LRRC57: variants seen among roughly 807,000 people sequenced by gnomAD.
LRRC57 encodes the protein leucine rich repeat containing 57.
LRRC57 carries 14 observed loss-of-function variants against 23.1 expected under a neutral mutation model. The observed-to-expected ratio is 0.61, with a 90% CI of 0.40 to 0.95. The LOEUF is 0.95. Among genes scored for constraint, LRRC57 ranks in the 40% least tolerant of loss-of-function variants. The pLI is 0.00. For missense variants in LRRC57, 236 were observed against 284.4 expected, an observed-to-expected ratio of 0.83 and a Z score of 1.22; for synonymous variants, 106 against 115.2, an observed-to-expected ratio of 0.92 and a Z score of 0.51.
chr15:42,528,371 C>G, the LRRC57 span: 1 of 1,614,130 alleles, frequency 6.2e-7, no homozygotes, highest in African/African-American at 1.3e-5. Flanking sequence ...GACAAATGGT[C>G]AGCTTCAGCA....
the LRRC57 span, chr15:42,531,929 A>G: frequency 3.9e-5 from 6 of 153,144 alleles, no homozygotes; most frequent in Admixed American, 6.5e-5. Flanking sequence ...AAAAAGTTGC[A>G]TAGCCACAAC....
chr15:42,529,315 G>C, the LRRC57 span, among the ~76,000 whole-genome samples: 1 of 152,170 alleles, frequency 6.6e-6, no homozygotes, highest in African/African-American at 2.4e-5. Context: ...CACTTGAGGG[G>C]CTTATTAAAC....
At chr15:42,545,367 T>A in intron 4 of LRRC57, 105 bp from the exon 5 acceptor site, 2 of 715,302 alleles carry the variant, frequency 2.8e-6, no homozygotes, top group Non-Finnish European at 4.0e-6. Context: ...CTATTTGTTC[T>A]AGTTTTCCCC....
At chr15:42,548,497 G>C in intron 1 of LRRC57, 41 bp from the exon 2 acceptor site, 2 of 1,549,602 alleles carry the variant, frequency 1.3e-6, no homozygotes, top group South Asian at 1.1e-5. Flanking sequence ...CAGTCCACCC[G>C]GTCGGCCTCC....
At chr15:42,537,304 A>G (rs1247651006), downstream of LRRC57, among the ~76,000 whole-genome samples, 2 of 148,022 alleles carry the variant, frequency 1.4e-5, no homozygotes, top group African/African-American at 5.3e-5. Flanking sequence ...AAAAAATCTC[A>G]ACACTGCTAA....
intron 4 of LRRC57, among the ~76,000 whole-genome samples, chr15:42,546,651 A>G (rs146728861): frequency 6.6e-6 from 1 of 152,350 alleles, no homozygotes; most frequent in East Asian, 1.9e-4. Context: ...CTTCATGCCT[A>G]GACAAGAATC....
chr15:42,548,190 T>C lies in LRRC57; in HGVS notation c.139A>G (p.Asn47Asp), dbSNP rs2057673215. ...GGCGGTAGGCTTTCGATCTTGTTGT[T>C]GGACAAGTCGATGGTCCTGAGATTG... ...TSNLRTIDLS[N>D]NKIESLPPLL... The change falls in exon 3 of 6, where the codon AAC (asparagine) becomes GAC (aspartate). Residue 47 changes from asparagine (N) to aspartate (D), a missense_variant. Asn to Asp is a conservative substitution (Grantham distance 23, BLOSUM62 1). Coordinates refer to ENST00000397130, the MANE Select transcript of LRRC57 (RefSeq NM_153260.3). The C allele has an allele frequency of 6.2e-7, 1 of 1,614,096 alleles. No homozygotes were observed. Among genetic ancestry groups the C allele is most frequent in the Non-Finnish European group, 8.5e-7 (1 of 1,180,038 alleles).
rs202009649 is a variant in LRRC57 at position 42,544,815 on chromosome 15, TCACA to T, written c.678+258_678+261del. Among the ~76,000 whole-genome samples, 223 of 131,414 alleles carry T rather than the reference TCACA, an allele frequency of 1.7e-3. 1 individual carries two copies. Among genetic ancestry groups the T allele is most frequent in the Middle Eastern group, 0.011 (3 of 268 alleles). 86.2% of individuals were successfully genotyped at this position (131,414 alleles called of 152,430 possible). On this transcript the variant is annotated intron_variant, in intron 5 of 5. Transcript: ENST00000397130. ...CTGGGCGACAGAGTGAGACCCTGTC[TCACA>T]CACACACACACACACACACACACTA...
the LRRC57 span, among the ~76,000 whole-genome samples, chr15:42,530,592 A>T: frequency 6.6e-6 from 1 of 152,080 alleles, no homozygotes; most frequent in East Asian, 1.9e-4. Flanking sequence ...TACTAAAAAA[A>T]TTTAAAAATT....
downstream of LRRC57, among the ~76,000 whole-genome samples, chr15:42,533,634 A>G (rs2057584855): frequency 6.6e-6 from 1 of 152,244 alleles, no homozygotes; most frequent in African/African-American, 2.4e-5. Flanking sequence ...CACTCACAGT[A>G]TGATTGGTTA....
downstream of LRRC57, among the ~76,000 whole-genome samples, chr15:42,536,468 C>G (rs762214866): frequency 2.0e-5 from 3 of 152,204 alleles, no homozygotes; most frequent in Non-Finnish European, 2.9e-5. Context: ...TCTGGTCAAG[C>G]ATCTCTGTGA....
At position 42,548,249 on chromosome 15, in the gene LRRC57, A is replaced by T. The variant is rs1422588933; in HGVS notation, c.85-5T>A. On this transcript the variant is annotated splice_region_variant and splice_polypyrimidine_tract_variant and intron_variant, in intron 2 of 5. Coordinates refer to ENST00000397130, the MANE Select transcript of LRRC57 (RefSeq NM_153260.3). ...CTTCTGCAAGTCTGCGGGGAACTGGAGAAAGGAGTTCACAGCGTGGGGAAT... is the reference window on the plus strand; with the variant it reads ...CTTCTGCAAGTCTGCGGGGAACTGGTGAAAGGAGTTCACAGCGTGGGGAAT... 2 of 1,614,182 alleles carry T rather than the reference A, an allele frequency of 1.2e-6. No homozygotes were observed.
chr15:42,535,413 G>A (rs982310507), downstream of LRRC57, among the ~76,000 whole-genome samples: 11 of 151,796 alleles, frequency 7.2e-5, no homozygotes, highest in Admixed American at 2.0e-4. Context: ...TTGGTTAACC[G>A]GCGTAAGAGG....
In LRRC57 at chr15:42,548,762, C is replaced by G. The variant is rs1035061633; in HGVS notation, c.-92G>C. 1 of 780,218 alleles carries G rather than the reference C, an allele frequency of 1.3e-6. No individual in the cohort carries two copies. The highest frequency in any genetic ancestry group is 1.7e-5 in the South Asian group (1 of 57,164). The allele number at this position is 780,218 out of a possible 1,614,324, so 48.3% of individuals were successfully genotyped here. ...GGACCCGCAGTAGCCGGGATGCGCT[C>G]CCCGGCTTAGTCCCGGGCGGGAACG... On this transcript the variant is annotated 5_prime_UTR_variant, in exon 1 of 6. Coordinates refer to ENST00000397130, the MANE Select transcript of LRRC57 (RefSeq NM_153260.3).
At chr15:42,535,298 T>G (rs1595535380), downstream of LRRC57, among the ~76,000 whole-genome samples, 1 of 152,244 alleles carries the variant, frequency 6.6e-6, no homozygotes, top group East Asian at 1.9e-4. Context: ...CTTCTGCAGC[T>G]TCCTCACCTC....
Position 42,548,724 on chromosome 15 carries a change from A to C in LRRC57, c.-54T>G, listed in dbSNP as rs996920939. 9.3e-6 allele frequency: 6 copies of C among 643,884 alleles called. No homozygotes were observed. In the South Asian group the frequency reaches 1.2e-4, roughly 12 times the overall value. The allele number at this position is 643,884 out of a possible 1,614,324, so 39.9% of individuals were successfully genotyped here. On this transcript the variant is annotated 5_prime_UTR_variant, in exon 1 of 6. Coordinates refer to ENST00000397130, the MANE Select transcript of LRRC57 (RefSeq NM_153260.3). ...CCGCTCAGCTGCCGTAAGGCTCCGC[A>C]GGTGAAGACCCAGGACCCGCAGTAG...
chr15:42,531,581 T>A, the LRRC57 span: 1 of 825,922 alleles, frequency 1.2e-6, no homozygotes, highest in Non-Finnish European at 1.9e-6. Context: ...CTCTTCTAAT[T>A]GGGAGATAAT....
At chr15:42,529,129 CTGT>C in the LRRC57 span, among the ~76,000 whole-genome samples, 1 of 152,188 alleles carries the variant, frequency 6.6e-6, no homozygotes, top group African/African-American at 2.4e-5. Flanking sequence ...TTACTCAACT[CTGT>C]TGTAGGGTTA....
At chr15:42,529,783 T>C in the LRRC57 span, 1 of 1,613,360 alleles carries the variant, frequency 6.2e-7, no homozygotes, top group South Asian at 1.1e-5. Flanking sequence ...ATGAGATTGA[T>C]GCTCAAAATC....
Sources: allele counts gnomAD v4.1 joint callset (sites outside exome capture counted in the v4.1 genomes callset), GRCh38; gene constraint gnomAD v4.1.1; transcripts MANE v1.5; gene names NCBI Gene and HGNC (gene_info 2026-07-23, HGNC 2026-07-21).